The following CNTRL variants were observed in gnomAD, a reference collection of about 807,000 sequenced individuals.
CNTRL encodes 110 kDa centrosomal protein.
A neutral mutation model predicts 303.7 loss-of-function variants in CNTRL; 233 were observed. That is an observed-to-expected ratio of 0.77 (90% CI 0.69 to 0.86). The LOEUF (loss-of-function observed/expected upper bound fraction) is 0.86, where lower values mean the gene tolerates loss of function less well. Among genes scored for constraint, CNTRL ranks in the 40% least tolerant of loss-of-function variants. CNTRL has a pLI of 0.00. For synonymous variants in CNTRL, 900 were observed against 922.2 expected, an observed-to-expected ratio of 0.98 and a Z score of 0.44; for missense variants, 2,524 against 2,650.6, an observed-to-expected ratio of 0.95 and a Z score of 1.05.
intron 20 of CNTRL, 108 bp downstream of exon 20, chr9:121,144,190 C>T: frequency 1.0e-6 from 1 of 960,120 alleles, no homozygotes; most frequent in East Asian, 2.7e-5. Flanking sequence ...TTATAAACCA[C>T]TGTAAAGTTG....
rs539004141 is a variant in CNTRL, at chr9:121,171,511, A to G, written c.6380A>G (p.Asn2127Ser). ...GCCAGGCGCCTGATGAAGGAGCTCAACCAGATGCAGTATGAGTACACGGAG... is the reference window on the plus strand; with the variant it reads ...GCCAGGCGCCTGATGAAGGAGCTCAGCCAGATGCAGTATGAGTACACGGAG... The part of the protein sequence containing the change: ...ERARRLMKEL[N>S]QMQYEYTELK... Residue 2127 changes from asparagine (N) to serine (S), a missense_variant, in exon 40 of 44, where the codon AAC (asparagine) becomes AGC (serine). By Grantham distance (46) the Asn-to-Ser change is conservative (BLOSUM62 1). Transcript: ENST00000373855. 27 of 1,614,030 alleles carry G rather than the reference A, an allele frequency of 1.7e-5. No individual in the cohort carries two copies. Among genetic ancestry groups the G allele is most frequent in the Admixed American group, 5.0e-5 (3 of 60,006 alleles).
intron 4 of CNTRL, among the ~76,000 whole-genome samples, chr9:121,093,760 A>G (rs1409816595): frequency 6.6e-6 from 1 of 152,180 alleles, no homozygotes; most frequent in African/African-American, 2.4e-5. Context: ...CATATGTAGT[A>G]AGTGTGTAAT....
chr9:121,089,592 TTTC>T (rs2048477040), intron 3 of CNTRL, among the ~76,000 whole-genome samples: 1 of 152,134 alleles, frequency 6.6e-6, no homozygotes, highest in Non-Finnish European at 1.5e-5. Flanking sequence ...AAATTTAGAG[TTTC>T]TTACCATAAA....
intron 16 of CNTRL, among the ~76,000 whole-genome samples, chr9:121,139,434 A>G (rs1223205541): frequency 6.6e-6 from 1 of 152,148 alleles, no homozygotes; most frequent in Admixed American, 6.5e-5. Context: ...AAAACTACGT[A>G]GGGGGATTTG....
intron 5 of CNTRL, among the ~76,000 whole-genome samples, chr9:121,095,659 T>C (rs916449195): frequency 2.0e-5 from 3 of 152,146 alleles, no homozygotes; most frequent in African/African-American, 4.8e-5. Flanking sequence ...AGTTCTGATA[T>C]GACAAAACTG....
At position 121,125,942 on chromosome 9, in the gene CNTRL, AT is replaced by A. The variant is rs750539441; in HGVS notation, c.2025+13del. 32 of 1,611,038 alleles carry A rather than the reference AT, an allele frequency of 2.0e-5. No homozygotes were observed. In the African/African-American group the frequency reaches 3.9e-4, roughly 20 times the overall value. ...ATGCAGAAAATATGAGGAAGGTATG[AT>A]TTTTTTCCTGCCTATTTTCCGTAGC... On this transcript the variant is annotated splice_region_variant and intron_variant, in intron 14 of 43. Coordinates refer to ENST00000373855, the MANE Select transcript of CNTRL (RefSeq NM_007018.6).
At chr9:121,075,912 T>G (rs2047903615) in intron 1 of CNTRL, among the ~76,000 whole-genome samples, 1 of 152,146 alleles carries the variant, frequency 6.6e-6, no homozygotes, top group Non-Finnish European at 1.5e-5. Context: ...CTCAGGCTGT[T>G]TCGTTCCAGA....
chr9:121,170,879 T>G (rs1201672026), intron 39 of CNTRL, among the ~76,000 whole-genome samples: 1 of 152,186 alleles, frequency 6.6e-6, no homozygotes, highest in African/African-American at 2.4e-5. Context: ...ATCCTTGAAA[T>G]AAATTTGGGA....
rs551738593 is a variant in CNTRL, at chr9:121,084,206, A to AT, written c.-32+3734dup. Among the ~76,000 whole-genome samples the AT allele has an allele frequency of 4.7e-4, 72 of 152,266 alleles. 1 individual carries two copies. In the South Asian group the frequency reaches 0.014, roughly 31 times the overall value. On this transcript the variant is annotated intron_variant, in intron 2 of 43. Coordinates refer to ENST00000373855, the MANE Select transcript of CNTRL (RefSeq NM_007018.6). ...GCTCGAGATCTATACATCTTATAATATTTTTTGTCCAAAAGTTTGTAAAGT... is the reference window on the plus strand; with the variant it reads ...GCTCGAGATCTATACATCTTATAATATTTTTTTGTCCAAAAGTTTGTAAAGT...
At chr9:121,076,001 T>A (rs2047907496) in intron 1 of CNTRL, among the ~76,000 whole-genome samples, 2 of 152,240 alleles carry the variant, frequency 1.3e-5, no homozygotes, top group African/African-American at 4.8e-5. Context: ...GCTAAATCTT[T>A]GAGGATTTAA....
At chr9:121,098,255 C>CACT in intron 6 of CNTRL, 131 bp from the exon 7 acceptor site, 1 of 655,322 alleles carries the variant, frequency 1.5e-6, no homozygotes, top group Non-Finnish European at 2.6e-6. Flanking sequence ...TTCCTGACAC[C>CACT]ACTACTTTTG....
Position 121,125,827 on chromosome 9 carries a change from G to T in CNTRL, c.1916G>T (p.Cys639Phe). 6.2e-7 allele frequency: 1 copy of T among 1,614,246 alleles called. No individual in the cohort carries two copies. Among genetic ancestry groups the T allele is most frequent in the Non-Finnish European group, 8.5e-7 (1 of 1,180,030 alleles). ...CAGGCAACTCAGGCCCAGAATGAGT[G>T]CAGGAAGCTGCGGGATGAGAAAGAG... ...KGQATQAQNE[C>F]RKLRDEKETL... Residue 639 changes from cysteine (C) to phenylalanine (F), a missense_variant, in exon 14 of 44, where the codon TGC (cysteine) becomes TTC (phenylalanine). By Grantham distance (205) the Cys-to-Phe change is radical. Transcript: ENST00000373855.
chr9:121,168,062 G>A (rs773496138), intron 37 of CNTRL, 34 bp from the exon 38 acceptor site: 2 of 1,570,116 alleles, frequency 1.3e-6, no homozygotes, highest in Non-Finnish European at 1.7e-6. Flanking sequence ...ACTATTTGTT[G>A]TTTAATGACT....
At chr9:121,125,957 A>G (rs368043651) in intron 14 of CNTRL, 21 bp downstream of exon 14, 12 of 1,598,696 alleles carry the variant, frequency 7.5e-6, no homozygotes, top group African/African-American at 5.4e-5. Context: ...TTTCCTGCCT[A>G]TTTTCCGTAG....
intron 4 of CNTRL, among the ~76,000 whole-genome samples, chr9:121,094,073 G>C (rs1019495031): frequency 9.2e-5 from 14 of 152,090 alleles, no homozygotes; most frequent in African/African-American, 2.9e-4. Flanking sequence ...TTGCGCCACT[G>C]CACTCCAGCC....
intron 6 of CNTRL, among the ~76,000 whole-genome samples, chr9:121,097,572 A>G (rs977262994): frequency 2.4e-5 from 2 of 83,886 alleles, no homozygotes; most frequent in Non-Finnish European, 2.7e-5. Context: ...TTCTAATTTC[A>G]TCCTGTGACA....
intron 14 of CNTRL, among the ~76,000 whole-genome samples, chr9:121,132,420 A>T (rs2050919263): frequency 6.6e-6 from 1 of 152,164 alleles, no homozygotes; most frequent in African/African-American, 2.4e-5. Context: ...CACTTGATCA[A>T]ATTGGCTACT....
intron 2 of CNTRL, among the ~76,000 whole-genome samples, chr9:121,084,469 GAGGCCTAC>G (rs1347656139): frequency 6.6e-6 from 1 of 151,510 alleles, no homozygotes; most frequent in African/African-American, 2.4e-5. Context: ...GGCTCTGTTC[GAGGCCTAC>G]AGTGTGCTAT....
chr9:121,167,449 T>C (rs780011004), intron 36 of CNTRL, 40 bp from the exon 37 acceptor site: 17 of 1,557,150 alleles, frequency 1.1e-5, no homozygotes, highest in Non-Finnish European at 1.4e-5. Context: ...CTAGTAAAGA[T>C]GGCTTTATTA....
Sources: allele counts gnomAD v4.1 joint callset (sites outside exome capture counted in the v4.1 genomes callset), GRCh38; gene constraint gnomAD v4.1.1; transcripts MANE v1.5; gene names NCBI Gene and HGNC (gene_info 2026-07-23, HGNC 2026-07-21).